Variants in ODF2 observed in about 807,000 individuals in gnomAD.
ODF2 encodes outer dense fiber protein 2.
Under a neutral mutation model 110.2 loss-of-function variants are expected in ODF2, and 47 were observed. The observed-to-expected ratio is 0.43, with a 90% CI of 0.34 to 0.54. The LOEUF (loss-of-function observed/expected upper bound fraction) is 0.54. Ranked by LOEUF, ODF2 falls within the 20% of genes least tolerant of loss-of-function variation. The pLI is 0.03. For missense variants in ODF2, 812 were observed against 1,054.5 expected (o/e 0.77, Z 3.19); for synonymous variants, 352 against 397.7 (o/e 0.89, Z 1.37).
chr9:128,458,263 A>G (rs898280453), intron 2 of ODF2, among the ~76,000 whole-genome samples: 4 of 151,700 alleles, frequency 2.6e-5, no homozygotes, highest in African/African-American at 9.7e-5. Context: ...GACCAGCCTG[A>G]CCAACATGGT....
At chr9:128,496,437 TTGAA>T (rs1845567649) in intron 18 of ODF2, 2 of 929,540 alleles carry the variant, frequency 2.2e-6, no homozygotes, top group African/African-American at 3.4e-5. Flanking sequence ...AGGGCCCAGT[TTGAA>T]TGGAGCAGCC....
chr9:128,495,180 C>T (rs1207286500), intron 17 of ODF2, among the ~76,000 whole-genome samples: 1 of 152,246 alleles, frequency 6.6e-6, no homozygotes, highest in East Asian at 1.9e-4. Flanking sequence ...ATATACCACT[C>T]ATTTGCAGCG....
At chr9:128,455,551 CTCAAAAAAAAAAAAAAAAA>C (rs1564443516), upstream of ODF2, among the ~76,000 whole-genome samples, 1 of 61,672 alleles carries the variant, frequency 1.6e-5, no homozygotes. Flanking sequence ...AAGAATCTGT[CTCAAAAAAAAAAAAAAAAA>C]AAAAAAAAAA....
chr9:128,456,675 C>A, intron 1 of ODF2: 2 of 1,436,966 alleles, frequency 1.4e-6, no homozygotes, highest in Non-Finnish European at 1.8e-6. Flanking sequence ...CCTCGGGCCT[C>A]CACATGGCAG....
intron 4 of ODF2, chr9:128,461,274 G>T: frequency 1.7e-6 from 1 of 605,960 alleles, no homozygotes; most frequent in Non-Finnish European, 2.8e-6. Flanking sequence ...TCCAAAGGCA[G>T]AGATGAGGAA....
chr9:128,459,089 C>A (rs1490365548), intron 2 of ODF2, among the ~76,000 whole-genome samples: 1 of 152,176 alleles, frequency 6.6e-6, no homozygotes, highest in Non-Finnish European at 1.5e-5. Flanking sequence ...AAGCAATCTG[C>A]CTGCCTTGGC....
upstream of ODF2, chr9:128,455,942 C>T: frequency 1.1e-5 from 16 of 1,403,074 alleles, no homozygotes; most frequent in Admixed American, 3.1e-5. Flanking sequence ...CCGGCCAGGC[C>T]CGCTGGACGC....
At chr9:128,465,019 A>G (rs181539066) in intron 4 of ODF2, among the ~76,000 whole-genome samples, 139 of 152,316 alleles carry the variant, frequency 9.1e-4, no homozygotes, top group African/African-American at 3.0e-3. Context: ...CAAAGTACAC[A>G]TCACAGAGAT....
intron 14 of ODF2, among the ~76,000 whole-genome samples, chr9:128,490,686 A>G (rs1268162961): frequency 1.3e-5 from 2 of 152,222 alleles, no homozygotes; most frequent in African/African-American, 2.4e-5. Context: ...CCATGAACAT[A>G]TATTTTTCTA....
At chr9:128,487,479 C>T (rs561267840) in intron 13 of ODF2, among the ~76,000 whole-genome samples, 1 of 152,154 alleles carries the variant, frequency 6.6e-6, no homozygotes, top group Admixed American at 6.6e-5. Flanking sequence ...CACACAAAGA[C>T]CTGGGTTCTT....
chr9:128,455,932 CCG>C, upstream of ODF2: 1 of 1,399,366 alleles, frequency 7.1e-7, no homozygotes, highest in Non-Finnish European at 9.3e-7. Flanking sequence ...GGGGCGAGAC[CCG>C]GCCAGGCCCG....
intron 8 of ODF2, among the ~76,000 whole-genome samples, chr9:128,476,874 G>A (rs1378764257): frequency 6.6e-6 from 1 of 151,042 alleles, no homozygotes; most frequent in Non-Finnish European, 1.5e-5. Flanking sequence ...CCTAAACTCA[G>A]GCAATCTGCC....
chr9:128,457,532 TTG>T (rs1835223551), intron 2 of ODF2: 2 of 1,434,088 alleles, frequency 1.4e-6, no homozygotes. Flanking sequence ...AGCTTCCTCA[TTG>T]TGTTTGCTGA....
In ODF2 at chr9:128,485,676, G is replaced by A. The variant is rs546551268; in HGVS notation, c.1400+202G>A. ...GGTGCAAGCTCTGGCCCTAGTCCTG[G>A]GGTCCTACCCTACTGTCAGGCACTG... On this transcript the variant is annotated intron_variant, in intron 13 of 20. Transcript: ENST00000604420. The surrounding 1 kb of genome is among the most constrained non-coding windows in gnomAD (Gnocchi z 5.0). 1.8e-4 allele frequency among the ~76,000 whole-genome samples: 27 copies of A among 152,272 alleles called. 1 individual carries two copies. The highest frequency in any genetic ancestry group is 1.2e-4 in the Non-Finnish European group (8 of 68,016).
intron 3 of ODF2, 67 bp from the exon 3 acceptor site, chr9:128,460,483 T>C (rs761705308): frequency 1.4e-5 from 22 of 1,586,118 alleles, no homozygotes; most frequent in Middle Eastern, 1.7e-4. Context: ...CTGTGAGCTC[T>C]GTTTTTATGC....
rs1554817270 is a variant in ODF2 at position 128,457,943 on chromosome 9, A to ATATAT, written c.32+507_32+508insATATT. On this transcript the variant is annotated intron_variant, in intron 2 of 20. Coordinates refer to ENST00000604420, the Ensembl canonical transcript of ODF2. ...AGTAGAGGTCTATATATATATATAT[A>ATATAT]TTTTTTTTTTTTCCCCTCTTTTTAA... Among the ~76,000 whole-genome samples the ATATAT allele has an allele frequency of 2.8e-3, 398 of 140,430 alleles. 2 individuals carry two copies. The highest frequency in any genetic ancestry group is 5.3e-3 in the Admixed American group (76 of 14,226). 92.1% of individuals were successfully genotyped at this position (140,430 alleles called of 152,430 possible). A position where few individuals can be genotyped will look rare whatever the true frequency, so the allele number is the denominator to read the frequency against.
At chr9:128,480,480 T>C (rs554364609) in intron 8 of ODF2, among the ~76,000 whole-genome samples, 1 of 152,364 alleles carries the variant, frequency 6.6e-6, no homozygotes, top group South Asian at 2.1e-4. Context: ...GCTGTACACT[T>C]TAAATGGTGT....
chr9:128,486,258 G>A (rs987991210), intron 13 of ODF2, among the ~76,000 whole-genome samples: 1 of 152,116 alleles, frequency 6.6e-6, no homozygotes, highest in African/African-American at 2.4e-5. Context: ...ACTCAACTTA[G>A]CAAACATGTT....
In ODF2 at chr9:128,485,621, C is replaced by T; in HGVS notation, c.1400+147C>T. On this transcript the variant is annotated intron_variant, in intron 13 of 20. Transcript: ENST00000604420. The surrounding 1 kb of genome is among the most constrained non-coding windows in gnomAD (Gnocchi z 5.0). Reference sequence around the variant, plus strand: ...CTGCACTGGGCTGTGATGTGGGTAGCCCTGAGCTGGGCTTTCTGGTTGGAG... The same window carrying T: ...CTGCACTGGGCTGTGATGTGGGTAGTCCTGAGCTGGGCTTTCTGGTTGGAG... 1.7e-6 allele frequency: 1 copy of T among 589,814 alleles called. No homozygotes were observed. The highest frequency in any genetic ancestry group is 3.1e-6 in the Non-Finnish European group (1 of 326,370). The allele number at this position is 589,814 out of a possible 1,614,324, so 36.5% of individuals were successfully genotyped here.
Sources: allele counts gnomAD v4.1 joint callset (sites outside exome capture counted in the v4.1 genomes callset), GRCh38; gene constraint gnomAD v4.1.1; non-coding constraint Gnocchi (gnomAD v3.1); transcripts MANE v1.5; gene names NCBI Gene and HGNC (gene_info 2026-07-23, HGNC 2026-07-21).